Variants in LOXHD1 observed in about 807,000 individuals in gnomAD.
LOXHD1 encodes lipoxygenase homology domain-containing protein 1.
Under a neutral mutation model 248.2 loss-of-function variants are expected in LOXHD1, and 205 were observed. The observed-to-expected ratio is 0.83, with a 90% confidence interval of 0.74 to 0.93. LOXHD1 has a LOEUF of 0.93. Ranked by LOEUF, LOXHD1 falls within the 40% of genes least tolerant of loss-of-function variation. The probability of loss-of-function intolerance (pLI) is 0.00; values close to 1 mark genes in which losing one functional copy is unlikely to be tolerated. For missense variants in LOXHD1, 2,930 were observed against 2,971.6 expected (o/e 0.99, Z 0.33); for synonymous variants, 1,113 against 1,162.8 (o/e 0.96, Z 0.87).
rs376334860 is a variant in LOXHD1, at chr18:46,545,375, C to T, written c.3561G>A (p.Lys1187=). 5.5e-4 allele frequency: 849 copies of T among 1,551,940 alleles called. No homozygotes were observed. Among genetic ancestry groups the T allele is most frequent in the Non-Finnish European group, 7.2e-4 (824 of 1,147,038 alleles). ...FSVTIKTGVK[K]NAGTDANVFI... Reference sequence around the variant, plus strand: ...AGACATTAGCATCTGTGCCCGCATTCTTCTTAACCCCAGTCTTTATGGTCA... The same window carrying T: ...AGACATTAGCATCTGTGCCCGCATTTTTCTTAACCCCAGTCTTTATGGTCA... Residue 1187 remains lysine (K), a synonymous_variant, in exon 23 of 41, where the codon AAG becomes AAA. Transcript: ENST00000642948.
At position 46,560,468 on chromosome 18, in the gene LOXHD1, G is replaced by A. The variant is rs568152703; in HGVS notation, c.2676C>T (p.Phe892=). 3.2e-5 allele frequency: 50 copies of A among 1,541,026 alleles called. No homozygotes were observed. In the East Asian group the frequency reaches 3.9e-4, roughly 12 times the overall value. The stretch of plus-strand genomic sequence containing the variant: ...GGTGCCGCAGCCACACGGTGTCCAC[G>A]AACCAGCTGGGCCCAAAGCCCTCGC... ...HTGEGFGPSW[F]VDTVWLRHLV... The change falls in exon 19 of 41, where the codon TTC becomes TTT. Residue 892 remains phenylalanine, a synonymous_variant. Coordinates refer to ENST00000642948, the MANE Select transcript of LOXHD1 (RefSeq NM_001384474.1).
chr18:46,494,423 A>T (rs942153207), intron 37 of LOXHD1, among the ~76,000 whole-genome samples: 3 of 152,218 alleles, frequency 2.0e-5, no homozygotes, highest in African/African-American at 7.2e-5. Context: ...TCCATTCTTG[A>T]CAATAATCTT....
chr18:46,628,693 G>T (rs1339150906), intron 4 of LOXHD1, among the ~76,000 whole-genome samples: 1 of 152,128 alleles, frequency 6.6e-6, no homozygotes, highest in African/African-American at 2.4e-5. Flanking sequence ...GCCTGGATGT[G>T]GGGGAAGAAG....
chr18:46,644,456 GCC>G, intron 2 of LOXHD1, among the ~76,000 whole-genome samples: 1 of 152,220 alleles, frequency 6.6e-6, no homozygotes, highest in South Asian at 2.1e-4. Flanking sequence ...GATGGCTTAT[GCC>G]TATAATCACA....
intron 23 of LOXHD1, among the ~76,000 whole-genome samples, chr18:46,544,380 G>A (rs141948395): frequency 6.6e-5 from 10 of 152,278 alleles, no homozygotes; most frequent in East Asian, 1.9e-4. Flanking sequence ...ACATAGAAAG[G>A]CCTCAGATAA....
chr18:46,607,038 C>T (rs1392931425), intron 6 of LOXHD1, among the ~76,000 whole-genome samples: 1 of 151,908 alleles, frequency 6.6e-6, no homozygotes, highest in Non-Finnish European at 1.5e-5. Flanking sequence ...TGGTGGCGGG[C>T]ACCTGTAATC....
rs1256802592 is a variant in LOXHD1, at chr18:46,639,752, A to G, written c.375T>C (p.His125=). ...GCCTCTTCATGTCGGTCACAATCACATGGTCCAGGTACCAGCTGGCATTCA... is the reference window on the plus strand; with the variant it reads ...GCCTCTTCATGTCGGTCACAATCACGTGGTCCAGGTACCAGCTGGCATTCA... ...TGLNASWYLD[H]VIVTDMKRPH... The change falls in exon 4 of 41, where the codon CAT becomes CAC. Residue 125 remains histidine (H), a synonymous_variant. Coordinates refer to ENST00000642948, the MANE Select transcript of LOXHD1 (RefSeq NM_001384474.1). 2 of 1,551,578 alleles carry G rather than the reference A, an allele frequency of 1.3e-6. No individual in the cohort carries two copies. Among genetic ancestry groups the G allele is most frequent in the Non-Finnish European group, 1.7e-6 (2 of 1,147,016 alleles).
intron 37 of LOXHD1, among the ~76,000 whole-genome samples, chr18:46,504,121 TTTG>T (rs2034412313): frequency 6.6e-6 from 1 of 151,812 alleles, no homozygotes; most frequent in Non-Finnish European, 1.5e-5. Flanking sequence ...ACTGTTTTGT[TTTG>T]TTTTTTTTTG....
chr18:46,584,062 T>C (rs1420519388), intron 12 of LOXHD1, among the ~76,000 whole-genome samples: 2 of 152,070 alleles, frequency 1.3e-5, no homozygotes, highest in East Asian at 3.8e-4. Context: ...TAGATGAACC[T>C]GGAGAACATC....
At chr18:46,543,854 A>C (rs2036677141) in intron 23 of LOXHD1, among the ~76,000 whole-genome samples, 1 of 152,146 alleles carries the variant, frequency 6.6e-6, no homozygotes, top group Non-Finnish European at 1.5e-5. Context: ...CACACTCTCT[A>C]TGTTCCCTGG....
intron 24 of LOXHD1, among the ~76,000 whole-genome samples, chr18:46,542,159 T>C (rs2036587299): frequency 6.6e-6 from 1 of 152,054 alleles, no homozygotes; most frequent in Non-Finnish European, 1.5e-5. Context: ...GTGAAATTAG[T>C]AAGAGTAAAA....
chr18:46,619,241 C>T (rs1212711501), intron 4 of LOXHD1, among the ~76,000 whole-genome samples: 1 of 152,098 alleles, frequency 6.6e-6, no homozygotes, highest in Non-Finnish European at 1.5e-5. Flanking sequence ...GTGTCTTTTG[C>T]CCAATATGTG....
intron 3 of LOXHD1, 85 bp downstream of exon 3, chr18:46,641,871 A>T (rs775869878): frequency 1.9e-5 from 25 of 1,341,664 alleles, no homozygotes; most frequent in Non-Finnish European, 2.3e-5. Context: ...CTGGGAAGTA[A>T]TTCATACCCA....
chr18:46,507,612 C>T lies in LOXHD1; in HGVS notation c.5618G>A (p.Cys1873Tyr). Reference sequence around the variant, plus strand: ...CATTTCTTCCTCATCGATAACGGCACACATTTCACACACCAGGGTCTTCTT... The same window carrying T: ...CATTTCTTCCTCATCGATAACGGCATACATTTCACACACCAGGGTCTTCTT... ...KGKKTLVCEM[C>Y]AVIDEEEMME... The change falls in exon 36 of 41, where the codon TGT becomes TAT. Residue 1873 changes from cysteine (C) to tyrosine (Y), a missense_variant. Transcript: ENST00000642948. 6.4e-7 allele frequency: 1 copy of T among 1,551,726 alleles called. No homozygotes were observed. Among genetic ancestry groups the T allele is most frequent in the South Asian group, 1.2e-5 (1 of 84,064 alleles).
rs80096187 is a variant in LOXHD1 at position 46,560,865 on chromosome 18, C to T, written c.2599-320G>A. Among the ~76,000 whole-genome samples, 411 of 152,192 alleles carry T rather than the reference C, an allele frequency of 2.7e-3. 8 individuals are homozygous for T. In the East Asian group the frequency reaches 0.046, roughly 17 times the overall value. On this transcript the variant is annotated intron_variant, in intron 18 of 40. Coordinates refer to ENST00000642948, the MANE Select transcript of LOXHD1 (RefSeq NM_001384474.1). ...ACACACACACGCACGCGCGCGCGCG[C>T]GCCTCATTCCTATGATTTCTGTCCC...
Position 46,657,046 on chromosome 18 carries a change from C to T in LOXHD1, c.-13G>A, listed in dbSNP as rs2144418413. 1.3e-6 allele frequency: 2 copies of T among 1,551,614 alleles called. No individual in the cohort carries two copies. The highest frequency in any genetic ancestry group is 1.2e-5 in the South Asian group (1 of 84,066). On this transcript the variant is annotated 5_prime_UTR_variant, in exon 1 of 41. Transcript: ENST00000642948. ...TCTGGGGCATCATTCTGTCGGCTGC[C>T]TTCTCCCAGCGCTCGCAGGCTCACT...
At chr18:46,622,155 G>A (rs2038677283) in intron 4 of LOXHD1, among the ~76,000 whole-genome samples, 1 of 152,160 alleles carries the variant, frequency 6.6e-6, no homozygotes, top group African/African-American at 2.4e-5. Context: ...CCTATGCCAG[G>A]GTGGGCAAAC....
intron 4 of LOXHD1, among the ~76,000 whole-genome samples, chr18:46,631,436 T>C (rs2038821148): frequency 6.6e-6 from 1 of 152,144 alleles, no homozygotes; most frequent in Non-Finnish European, 1.5e-5. Flanking sequence ...ATATCCCTGA[T>C]TGCAGAATCA....
intron 6 of LOXHD1, among the ~76,000 whole-genome samples, chr18:46,605,632 C>T (rs1407649191): frequency 1.3e-5 from 2 of 152,116 alleles, no homozygotes; most frequent in Non-Finnish European, 2.9e-5. Flanking sequence ...AAGAAACCAT[C>T]ACATCAGGGC....
Sources: gnomAD v4.1 joint callset for allele counts (sites outside exome capture counted in the v4.1 genomes callset) on GRCh38, gnomAD v4.1.1 for gene constraint, MANE v1.5 for transcripts, NCBI Gene and HGNC (gene_info 2026-07-23, HGNC 2026-07-21) for gene names.